The following EBF3 variants were observed in gnomAD, a reference collection of about 807,000 sequenced individuals.
The protein encoded by EBF3 is EBF transcription factor 3.
A neutral mutation model predicts 77.1 loss-of-function variants in EBF3; 18 were observed. That is an observed-to-expected ratio of 0.23 (90% CI 0.16 to 0.35). The LOEUF (loss-of-function observed/expected upper bound fraction) is 0.35, where lower values mean the gene tolerates loss of function less well. Among genes scored for constraint, EBF3 ranks in the 10% least tolerant of loss-of-function variants. EBF3 has a pLI of 1.00. For missense variants in EBF3, 558 were observed against 860.0 expected, an observed-to-expected ratio of 0.65 and a Z score of 4.39; for synonymous variants, 350 against 343.5, an observed-to-expected ratio of 1.02 and a Z score of -0.21.
At chr10:129,928,382 T>G (rs904827798) in intron 6 of EBF3, among the ~76,000 whole-genome samples, 1 of 152,210 alleles carries the variant, frequency 6.6e-6, no homozygotes, top group African/African-American at 2.4e-5. Context: ...AAAACTGGGA[T>G]CATCCAGTAC....
chr10:129,945,032 T>C (rs1461793048), intron 6 of EBF3, among the ~76,000 whole-genome samples: 1 of 136,140 alleles, frequency 7.3e-6, no homozygotes, highest in Non-Finnish European at 1.6e-5. Context: ...TGTGACCAGA[T>C]TGTAAAAGGA....
At chr10:129,838,969 C>T in intron 16 of EBF3, 114 bp downstream of exon 16, 1 of 1,050,228 alleles carries the variant, frequency 9.5e-7, no homozygotes, top group African/African-American at 1.6e-5. Context: ...TGCAACGACC[C>T]TGGTGTGGTG....
Position 129,864,939 on chromosome 10 carries a change from C to T in EBF3, c.1039+2202G>A, listed in dbSNP as rs1057029262. ...TGCCTGCCATGTGTTAGACACTGTA[C>T]ATAAGTCATCCCCGATCCTTGCCAA... On this transcript the variant is annotated intron_variant, in intron 10 of 16. Transcript: ENST00000440978. This position sits in a 1 kb window ranked among gnomAD's most constrained non-coding sequence, Gnocchi z 4.4. 1.1e-4 allele frequency among the ~76,000 whole-genome samples: 16 copies of T among 152,346 alleles called. No homozygotes were observed. The highest frequency in any genetic ancestry group is 1.9e-4 in the African/African-American group (8 of 41,586).
chr10:129,841,049 C>A lies in EBF3; in HGVS notation c.1373-17G>T, dbSNP rs1340612090. 1 of 1,604,718 alleles carries A rather than the reference C, an allele frequency of 6.2e-7. No homozygotes were observed. Among genetic ancestry groups the A allele is most frequent in the Non-Finnish European group, 8.5e-7 (1 of 1,175,850 alleles). On this transcript the variant is annotated splice_polypyrimidine_tract_variant and intron_variant, in intron 13 of 16. Transcript: ENST00000440978. The surrounding 1 kb of genome is among the most constrained non-coding windows in gnomAD (Gnocchi z 4.6). ...TGTAGCCGACTGTTGAAATCCCCCC[C>A]CCGGCCAAAAATAACATTATTATCA...
At chr10:129,840,721 C>G in intron 14 of EBF3, 123 bp downstream of exon 14, 1 of 1,399,250 alleles carries the variant, frequency 7.1e-7, no homozygotes, top group East Asian at 2.3e-5. Flanking sequence ...GACGCCCAGC[C>G]TCCAGGGCCA....
intron 11 of EBF3, among the ~76,000 whole-genome samples, chr10:129,844,607 C>G (rs1032271493): frequency 2.0e-5 from 3 of 152,158 alleles, no homozygotes; most frequent in South Asian, 2.1e-4. Flanking sequence ...CTTTATTTAT[C>G]AAGATTAATC....
chr10:129,840,895 G>T lies in EBF3; in HGVS notation c.1510C>A (p.Pro504Thr). 18 of 1,613,930 alleles carry T rather than the reference G, an allele frequency of 1.1e-5. No individual in the cohort carries two copies. The highest frequency in any genetic ancestry group is 1.5e-5 in the Non-Finnish European group (18 of 1,179,932). The change falls in exon 14 of 17, where the codon CCT (proline) becomes ACT (threonine). Residue 504 changes from proline to threonine, a missense_variant. Pro to Thr is a conservative substitution (Grantham distance 38). Transcript: ENST00000440978. ...GSGAMASLGV[P>T]GSPGFLNGSS... ...CCATTAAGAAATCCAGGCGAGCCAG[G>T]GACCCCTAGACTGGCCATGGCGCCA... is the stretch of plus-strand genomic sequence containing the variant.
intron 6 of EBF3, among the ~76,000 whole-genome samples, chr10:129,941,444 C>G (rs1413696738): frequency 2.6e-5 from 4 of 152,182 alleles, no homozygotes; most frequent in South Asian, 2.1e-4. Context: ...CTTCTTGAGG[C>G]CTTGCTTCTA....
At chr10:129,894,348 C>T (rs1338432740) in intron 6 of EBF3, among the ~76,000 whole-genome samples, 1 of 152,212 alleles carries the variant, frequency 6.6e-6, no homozygotes, top group Non-Finnish European at 1.5e-5. Flanking sequence ...TAATTAGTCA[C>T]AACGAGGGCT....
At chr10:129,895,673 C>T (rs1027772997) in intron 6 of EBF3, among the ~76,000 whole-genome samples, 2 of 152,216 alleles carry the variant, frequency 1.3e-5, no homozygotes, top group Admixed American at 6.5e-5. Flanking sequence ...TGTGCTTCTC[C>T]ACCTGGGACA....
chr10:129,850,657 GA>G (rs1564824262), intron 10 of EBF3, among the ~76,000 whole-genome samples: 1 of 152,170 alleles, frequency 6.6e-6, no homozygotes, highest in East Asian at 1.9e-4. Context: ...TCAAGAATTA[GA>G]AAAAACTGCC....
intron 6 of EBF3, among the ~76,000 whole-genome samples, chr10:129,902,577 A>C (rs529342922): frequency 1.4e-3 from 214 of 152,266 alleles, no homozygotes; most frequent in African/African-American, 4.8e-3. Context: ...GGGCAGGCCC[A>C]GTGTTTTGCG....
chr10:129,912,420 T>C (rs1564881974), intron 6 of EBF3, among the ~76,000 whole-genome samples: 2 of 152,254 alleles, frequency 1.3e-5, no homozygotes, highest in South Asian at 2.1e-4. Context: ...GGATGGGAAA[T>C]AGAGGTCTCA....
Position 129,962,211 on chromosome 10 carries a change from T to C in EBF3, c.371A>G (p.Gln124Arg). Residue 124 changes from glutamine (Q) to arginine (R), a missense_variant, in exon 4 of 17, where the codon CAA (glutamine) becomes CGA (arginine). Gln to Arg is a conservative substitution (Grantham distance 43). This residue lies in a region of EBF3 where 84 missense variants were observed against 142.3 expected (regional missense o/e 0.59). Coordinates refer to ENST00000440978, the MANE Select transcript of EBF3 (RefSeq NM_001375380.1). ...LLYSNGVRTE[Q>R]DLYVRLIDSM... ...ATCTATGAGGCGAACATACAGATCT[T>C]GCTCTGTTCTGACTCCTGCAAAAAA... The C allele has an allele frequency of 6.2e-7, 1 of 1,614,146 alleles. No individual in the cohort carries two copies. Among genetic ancestry groups the C allele is most frequent in the East Asian group, 2.2e-5 (1 of 44,874 alleles).
chr10:129,839,224 C>A (rs2133935595), intron 15 of EBF3, 29 bp from the exon 16 acceptor site: 1 of 1,042,808 alleles, frequency 9.6e-7, no homozygotes. Context: ...TCAGTAAATA[C>A]TGGTTGAATG....
chr10:129,923,137 G>A (rs951645505), intron 6 of EBF3, among the ~76,000 whole-genome samples: 1 of 152,214 alleles, frequency 6.6e-6, no homozygotes, highest in African/African-American at 2.4e-5. Flanking sequence ...TGTTACTGTT[G>A]TTATTATTTT....
intron 6 of EBF3, among the ~76,000 whole-genome samples, chr10:129,893,972 T>A (rs562495029): frequency 6.6e-6 from 1 of 152,158 alleles, no homozygotes; most frequent in South Asian, 2.1e-4. Flanking sequence ...CGCGTGCTTC[T>A]CCTACCCAAG....
intron 8 of EBF3, among the ~76,000 whole-genome samples, chr10:129,869,390 G>T (rs1027180532): frequency 6.8e-6 from 1 of 146,230 alleles, no homozygotes; most frequent in Non-Finnish European, 1.5e-5. Flanking sequence ...CAAGCCACCC[G>T]CCCCCCACCA....
chr10:129,845,011 C>G (rs1229215793), intron 11 of EBF3, among the ~76,000 whole-genome samples: 2 of 152,132 alleles, frequency 1.3e-5, no homozygotes, highest in Non-Finnish European at 2.9e-5. Context: ...CAGAAAATAT[C>G]CTACACCTAC....
Sources: allele counts gnomAD v4.1 joint callset (sites outside exome capture counted in the v4.1 genomes callset), GRCh38; gene constraint gnomAD v4.1.1; regional missense constraint gnomAD v4.1.1; non-coding constraint Gnocchi (gnomAD v3.1); transcripts MANE v1.5; gene names NCBI Gene and HGNC (gene_info 2026-07-23, HGNC 2026-07-21).